ERC2: variants seen among roughly 807,000 people sequenced by gnomAD.
ERC2 encodes the protein ERC protein 2.
Under a neutral mutation model 114.8 loss-of-function variants are expected in ERC2, and 42 were observed. That is an observed-to-expected ratio of 0.37 (90% CI 0.29 to 0.47). ERC2 has a LOEUF of 0.47. Ranked by LOEUF, ERC2 falls within the 20% of genes least tolerant of loss-of-function variation. ERC2 has a pLI of 0.99. For synonymous variants in ERC2, 454 were observed against 425.5 expected (o/e 1.07, Z -0.82); for missense variants, 939 against 1,150.7 (o/e 0.82, Z 2.66).
chr3:56,327,428 G>A (rs1200209666), intron 2 of ERC2, among the ~76,000 whole-genome samples: 3 of 152,158 alleles, frequency 2.0e-5, no homozygotes, highest in African/African-American at 7.2e-5. Context: ...CCCTTGATAC[G>A]TGGGGATTAC....
chr3:56,037,054 A>C (rs1158159701), intron 7 of ERC2, among the ~76,000 whole-genome samples: 1 of 152,232 alleles, frequency 6.6e-6, no homozygotes, highest in African/African-American at 2.4e-5. Context: ...CAGCAGCCTC[A>C]AAGATCAAGC....
At chr3:56,427,155 C>T (rs1391443175) in intron 2 of ERC2, among the ~76,000 whole-genome samples, 1 of 149,930 alleles carries the variant, frequency 6.7e-6, no homozygotes, top group Non-Finnish European at 1.5e-5. Flanking sequence ...CAGTGAGATC[C>T]TGTCTCAGAA....
intron 2 of ERC2, among the ~76,000 whole-genome samples, chr3:56,321,516 C>T (rs2057125691): frequency 2.0e-5 from 3 of 152,172 alleles, no homozygotes; most frequent in Non-Finnish European, 4.4e-5. Context: ...AGTTCAGGAG[C>T]TCCTCCAAGG....
chr3:55,833,076 A>G (rs2060686297), intron 14 of ERC2, among the ~76,000 whole-genome samples: 1 of 149,402 alleles, frequency 6.7e-6, no homozygotes, highest in Non-Finnish European at 1.5e-5. Context: ...ATAAAAAGAA[A>G]TGAACAAAGC....
chr3:56,169,930 G>A (rs149467505), intron 4 of ERC2, among the ~76,000 whole-genome samples: 1 of 151,976 alleles, frequency 6.6e-6, no homozygotes, highest in African/African-American at 2.4e-5. Flanking sequence ...AAAGAAATTA[G>A]CATTAAAGAA....
intron 15 of ERC2, among the ~76,000 whole-genome samples, chr3:55,714,321 T>C (rs1010438666): frequency 1.2e-4 from 18 of 152,222 alleles, no homozygotes; most frequent in Admixed American, 3.3e-4. Context: ...AGTCTCTTCC[T>C]GAAAAAAATG....
chr3:56,204,031 C>A (rs1028313632), intron 3 of ERC2, among the ~76,000 whole-genome samples: 12 of 151,126 alleles, frequency 7.9e-5, no homozygotes, highest in Non-Finnish European at 1.3e-4. Flanking sequence ...AATACACACA[C>A]AAAAAAAAGT....
chr3:55,585,872 C>T (rs1014292206), intron 17 of ERC2, among the ~76,000 whole-genome samples: 12 of 152,198 alleles, frequency 7.9e-5, no homozygotes, highest in African/African-American at 2.4e-4. Context: ...CAGCTGGTTT[C>T]GGCTTTGATG....
intron 13 of ERC2, among the ~76,000 whole-genome samples, chr3:55,906,073 T>C (rs2064416504): frequency 1.3e-5 from 2 of 152,172 alleles, no homozygotes; most frequent in African/African-American, 4.8e-5. Flanking sequence ...GTATTTGTAA[T>C]ACCCATCCTG....
At chr3:56,182,117 A>G (rs1317672759) in intron 3 of ERC2, among the ~76,000 whole-genome samples, 1 of 152,242 alleles carries the variant, frequency 6.6e-6, no homozygotes, top group African/African-American at 2.4e-5. Context: ...AATATATCAC[A>G]GGAAGGTCAA....
At chr3:56,033,080 G>GAAAGAAAGAAAGAA (rs1438673324) in intron 7 of ERC2, among the ~76,000 whole-genome samples, 25 of 125,824 alleles carry the variant, frequency 2.0e-4, no homozygotes, top group African/African-American at 5.8e-4. Flanking sequence ...AAGAAAGAAA[G>GAAAGAAAGAAAGAA]AAAGAAAAGT....
intron 2 of ERC2, among the ~76,000 whole-genome samples, chr3:56,413,278 G>C (rs1045754956): frequency 2.9e-4 from 44 of 152,220 alleles, no homozygotes; most frequent in African/African-American, 9.2e-4. Flanking sequence ...CATCCACCCA[G>C]TTTTCCAGCC....
intron 7 of ERC2, among the ~76,000 whole-genome samples, chr3:56,029,804 T>C (rs921394443): frequency 6.6e-6 from 1 of 152,122 alleles, no homozygotes; most frequent in Non-Finnish European, 1.5e-5. Flanking sequence ...CTGTTGTTTC[T>C]ATATTTTCGA....
intron 1 of ERC2, among the ~76,000 whole-genome samples, chr3:56,449,074 CAAA>C (rs34335399): frequency 2.7e-5 from 3 of 112,272 alleles, no homozygotes; most frequent in Non-Finnish European, 1.8e-5. Flanking sequence ...GACTCCATCT[CAAA>C]AAAAAAAAAA....
At chr3:55,775,537 A>AAAATAAATAAAT (rs10659476) in intron 14 of ERC2, among the ~76,000 whole-genome samples, 3,795 of 133,250 alleles carry the variant, frequency 0.028, 71 homozygotes, top group East Asian at 0.067. Flanking sequence ...ACCCTGTCTC[A>AAAATAAATAAAT]AAATAAATAA....
chr3:56,269,552 G>A (rs17825362), intron 3 of ERC2, among the ~76,000 whole-genome samples: 1,869 of 152,300 alleles, frequency 0.012, 19 homozygotes, highest in Middle Eastern at 0.031. Context: ...AAAGTGAGAG[G>A]TGATGTCTTA....
chr3:55,823,255 C>A (rs2060198576), intron 14 of ERC2, among the ~76,000 whole-genome samples: 1 of 152,132 alleles, frequency 6.6e-6, no homozygotes, highest in Admixed American at 6.5e-5. Flanking sequence ...TTCACTTGCT[C>A]CAAGGCTTTA....
chr3:56,387,681 T>C (rs560662887), intron 2 of ERC2, among the ~76,000 whole-genome samples: 1 of 152,314 alleles, frequency 6.6e-6, no homozygotes, highest in African/African-American at 2.4e-5. Flanking sequence ...TCTCACCACC[T>C]GAACAGAGAC....
intron 17 of ERC2, among the ~76,000 whole-genome samples, chr3:55,679,022 T>G (rs1336889771): frequency 6.6e-6 from 1 of 152,160 alleles, no homozygotes. Context: ...CGACAATTCA[T>G]CCTCTACACA....
Sources: gnomAD v4.1 joint callset for allele counts (sites outside exome capture counted in the v4.1 genomes callset) on GRCh38, gnomAD v4.1.1 for gene constraint, MANE v1.5 for transcripts, NCBI Gene and HGNC (gene_info 2026-07-23, HGNC 2026-07-21) for gene names.